NDST4: variants seen among roughly 807,000 people sequenced by gnomAD.
The protein encoded by NDST4 is N-heparan sulfate sulfotransferase 4.
NDST4 carries 63 observed loss-of-function variants against 100.8 expected under a neutral mutation model. The observed-to-expected ratio is 0.62, with a 90% CI of 0.51 to 0.77. NDST4 has a LOEUF of 0.77. NDST4 is among the 30% of genes least tolerant of loss of function. The pLI is 0.00. For synonymous variants in NDST4, 377 were observed against 361.8 expected (o/e 1.04, Z -0.48); for missense variants, 943 against 1,018.4 (o/e 0.93, Z 1.01).
intron 7 of NDST4, among the ~76,000 whole-genome samples, chr4:114,861,975 A>G (rs1232738328): frequency 6.6e-6 from 1 of 152,126 alleles, no homozygotes; most frequent in East Asian, 1.9e-4. Context: ...GTATGTTTGT[A>G]ATGTTTATAT....
intron 6 of NDST4, among the ~76,000 whole-genome samples, chr4:114,932,397 T>G (rs1298016348): frequency 6.6e-6 from 1 of 151,946 alleles, no homozygotes; most frequent in Non-Finnish European, 1.5e-5. Flanking sequence ...TCATCTTTAG[T>G]GGTGCAAAGT....
At chr4:114,887,820 A>G (rs181612122) in intron 6 of NDST4, among the ~76,000 whole-genome samples, 1 of 152,096 alleles carries the variant, frequency 6.6e-6, no homozygotes, top group African/African-American at 2.4e-5. Flanking sequence ...TTACTCACCA[A>G]TTTTCCACTT....
chr4:114,835,359 T>G (rs1330653304), intron 11 of NDST4, among the ~76,000 whole-genome samples: 1 of 152,220 alleles, frequency 6.6e-6, no homozygotes, highest in Non-Finnish European at 1.5e-5. Flanking sequence ...TATTTCTGCT[T>G]TAATTTTGTT....
chr4:114,938,385 G>A (rs1413748059), intron 4 of NDST4, among the ~76,000 whole-genome samples: 1 of 152,116 alleles, frequency 6.6e-6, no homozygotes, highest in Non-Finnish European at 1.5e-5. Context: ...ATTTAAACAA[G>A]AATATAAAAA....
chr4:114,867,665 C>CAAAAAAAAAAAAAAAAAAAGA, intron 7 of NDST4, among the ~76,000 whole-genome samples: 17 of 79,884 alleles, frequency 2.1e-4, no homozygotes, highest in East Asian at 4.0e-4. Context: ...AAAAAAAAAG[C>CAAAAAAAAAAAAAAAAAAAGA]AAAAAAAAAA....
intron 7 of NDST4, among the ~76,000 whole-genome samples, chr4:114,858,317 C>T (rs1723843254): frequency 6.6e-6 from 1 of 152,170 alleles, no homozygotes; most frequent in South Asian, 2.1e-4. Context: ...CCACGTAGCC[C>T]TGGCTATCAC....
At chr4:115,006,310 A>G (rs184765724) in intron 2 of NDST4, among the ~76,000 whole-genome samples, 1 of 152,192 alleles carries the variant, frequency 6.6e-6, no homozygotes, top group Admixed American at 6.6e-5. Context: ...GTGCCATTTA[A>G]TATCTTTAAT....
chr4:115,074,709 A>G (rs1729145179), intron 2 of NDST4, among the ~76,000 whole-genome samples: 1 of 151,982 alleles, frequency 6.6e-6, no homozygotes, highest in South Asian at 2.1e-4. Flanking sequence ...GCTTTCAATC[A>G]TTTTGCTTTA....
intron 2 of NDST4, among the ~76,000 whole-genome samples, chr4:115,069,062 G>T: frequency 6.6e-6 from 1 of 151,948 alleles, no homozygotes; most frequent in African/African-American, 2.4e-5. Context: ...GATTATGCAG[G>T]GACTCAAGTT....
At chr4:115,025,169 AC>A (rs1727956367) in intron 2 of NDST4, among the ~76,000 whole-genome samples, 3 of 152,134 alleles carry the variant, frequency 2.0e-5, no homozygotes, top group Non-Finnish European at 4.4e-5. Flanking sequence ...TCCCTTAGGG[AC>A]CTCACTGTAT....
At chr4:114,911,765 T>A (rs1449981652) in intron 6 of NDST4, among the ~76,000 whole-genome samples, 4 of 152,180 alleles carry the variant, frequency 2.6e-5, no homozygotes, top group African/African-American at 9.6e-5. Context: ...TAAGTGACAA[T>A]TTTAGAACAA....
At chr4:115,100,499 T>C (rs902269069) in intron 1 of NDST4, among the ~76,000 whole-genome samples, 1 of 152,084 alleles carries the variant, frequency 6.6e-6, no homozygotes, top group East Asian at 1.9e-4. Context: ...GAGCAAGCTG[T>C]TTCATGACAT....
chr4:114,969,321 G>GAAAA (rs70964334), intron 4 of NDST4, among the ~76,000 whole-genome samples: 1 of 90,720 alleles, frequency 1.1e-5, no homozygotes, highest in Non-Finnish European at 2.2e-5. Context: ...CTCAAAAAAA[G>GAAAA]AAAAAAAAAA....
At chr4:115,058,257 T>C (rs1728744651) in intron 2 of NDST4, among the ~76,000 whole-genome samples, 1 of 152,168 alleles carries the variant, frequency 6.6e-6, no homozygotes. Flanking sequence ...TTTTAAAAAT[T>C]CCTTGTATAA....
intron 11 of NDST4, among the ~76,000 whole-genome samples, chr4:114,837,297 T>C (rs1439104412): frequency 6.6e-6 from 1 of 151,980 alleles, no homozygotes; most frequent in Non-Finnish European, 1.5e-5. Flanking sequence ...TTGGATGGGG[T>C]TTTTGTGTGG....
chr4:114,934,933 T>G (rs1263203902), intron 6 of NDST4: 1 of 175,964 alleles, frequency 5.7e-6, no homozygotes, highest in African/African-American at 2.4e-5. Flanking sequence ...AAAATAACAA[T>G]GGAAAACATT....
intron 2 of NDST4, among the ~76,000 whole-genome samples, chr4:115,052,508 G>A (rs1728603492): frequency 6.6e-6 from 1 of 152,002 alleles, no homozygotes; most frequent in African/African-American, 2.4e-5. Context: ...AATCATGGGG[G>A]CGAGTCTTCC....
intron 6 of NDST4, among the ~76,000 whole-genome samples, chr4:114,882,923 C>A (rs1724401234): frequency 6.6e-6 from 1 of 151,620 alleles, no homozygotes; most frequent in South Asian, 2.1e-4. Context: ...ACCATGCAAG[C>A]AAGAAGAGAG....
rs371332845 is a variant in NDST4, at chr4:114,839,588, A to G, written c.2116-40T>C. 10 of 1,598,572 alleles carry G rather than the reference A, an allele frequency of 6.3e-6. No individual in the cohort carries two copies. In the African/African-American group the frequency reaches 1.3e-4, roughly 21 times the overall value. On this transcript the variant is annotated intron_variant, in intron 10 of 13. Coordinates refer to ENST00000264363, the MANE Select transcript of NDST4 (RefSeq NM_022569.3). ...TCAATTGTAAAGTTAGATTTTTTTT[A>G]ATGCCTGTGTAGATATGCATATGTG...
Sources: gnomAD v4.1 joint callset for allele counts (sites outside exome capture counted in the v4.1 genomes callset) on GRCh38, gnomAD v4.1.1 for gene constraint, MANE v1.5 for transcripts, NCBI Gene and HGNC (gene_info 2026-07-23, HGNC 2026-07-21) for gene names.